Variants in TTC3 observed in about 807,000 individuals in gnomAD.
The protein encoded by TTC3 is E3 ubiquitin-protein ligase TTC3.
In TTC3, 180 loss-of-function variants were observed where a neutral mutation model predicts 249.6. That is an observed-to-expected ratio of 0.72 (90% confidence interval 0.64 to 0.82). The LOEUF is 0.82. Ranked by LOEUF, TTC3 falls within the 40% of genes least tolerant of loss-of-function variation. The pLI is 0.00. For missense variants in TTC3, 2,061 were observed against 2,398.4 expected, an observed-to-expected ratio of 0.86 and a Z score of 2.94; for synonymous variants, 717 against 805.0, an observed-to-expected ratio of 0.89 and a Z score of 1.85.
chr21:37,092,693 A>G (rs1472072923), intron 7 of TTC3, among the ~76,000 whole-genome samples: 2 of 152,056 alleles, frequency 1.3e-5, no homozygotes, highest in Non-Finnish European at 2.9e-5. Flanking sequence ...GAATTTCTTT[A>G]TTTGGTGACT....
chr21:37,187,207 T>C, intron 38 of TTC3, 62 bp downstream of exon 38: 1 of 1,257,714 alleles, frequency 8.0e-7, no homozygotes, highest in Non-Finnish European at 1.1e-6. Flanking sequence ...GTTTCTTTAA[T>C]GACATATGAG....
rs756826923 is a variant in TTC3, at chr21:37,094,059, T to G, written c.656T>G (p.Leu219Arg). 2.5e-6 allele frequency: 4 copies of G among 1,607,828 alleles called. No individual in the cohort carries two copies. In the African/African-American group the frequency reaches 5.4e-5, roughly 22 times the overall value. ...GAAGACTGCAATTTGCTTGAAGAAC[T>G]TAAAACTCAAAGTTGTATGGATTGT... Residue 219 changes from leucine to arginine, a missense_variant, in exon 8 of 46, where the codon CTT (leucine) becomes CGT (arginine). Physicochemically the swap from Leu to Arg is moderately radical, Grantham distance 102. This residue lies in a region of TTC3 where 989 missense variants were observed against 1,145.1 expected (regional missense o/e 0.86). Coordinates refer to ENST00000355666, the Ensembl canonical transcript of TTC3.
chr21:37,197,667 C>G, exon 43 of TTC3: 1 of 1,610,600 alleles, frequency 6.2e-7, no homozygotes, highest in Non-Finnish European at 8.5e-7. Flanking sequence ...AGTGACAGAA[C>G]ACATTCTAGA....
intron 40 of TTC3, among the ~76,000 whole-genome samples, 189 bp downstream of exon 40, chr21:37,191,613 T>G (rs1234260070): frequency 6.6e-6 from 1 of 151,948 alleles, no homozygotes; most frequent in African/African-American, 2.4e-5. Context: ...AGTTTCGCTC[T>G]TGTTGCCCAG....
At chr21:37,099,550 C>T (rs557564166) in intron 10 of TTC3, among the ~76,000 whole-genome samples, 123 of 152,264 alleles carry the variant, frequency 8.1e-4, no homozygotes, top group Admixed American at 1.4e-3. Context: ...AGTCAATAAA[C>T]GTTTATGAGG....
At chr21:37,191,618 G>T (rs148383630) in intron 40 of TTC3, among the ~76,000 whole-genome samples, 194 bp downstream of exon 40, 1 of 152,130 alleles carries the variant, frequency 6.6e-6, no homozygotes, top group East Asian at 1.9e-4. Flanking sequence ...CGCTCTTGTT[G>T]CCCAGGCTGG....
At chr21:37,172,261 T>G (rs1382751752) in intron 34 of TTC3, among the ~76,000 whole-genome samples, 1 of 152,234 alleles carries the variant, frequency 6.6e-6, no homozygotes, top group Admixed American at 6.5e-5. Context: ...TTAAACCTAA[T>G]AAATAATCGT....
intron 41 of TTC3, among the ~76,000 whole-genome samples, chr21:37,192,948 T>C (rs1450632508): frequency 2.6e-5 from 4 of 152,226 alleles, no homozygotes; most frequent in African/African-American, 9.6e-5. Context: ...TGAAATGAAT[T>C]AGGCCCAGAG....
At chr21:37,088,541 A>G (rs887511343) in intron 4 of TTC3, among the ~76,000 whole-genome samples, 195 bp downstream of exon 4, 3 of 152,228 alleles carry the variant, frequency 2.0e-5, no homozygotes, top group African/African-American at 7.2e-5. Context: ...TGAAATTCTG[A>G]ATAGTACTAG....
intron 38 of TTC3, 35 bp from the exon 39 acceptor site, chr21:37,188,460 G>A: frequency 1.3e-6 from 2 of 1,540,382 alleles, no homozygotes; most frequent in African/African-American, 1.4e-5. Context: ...GCTGTCATTT[G>A]TAAAATACTC....
At chr21:37,183,030 ACT>A (rs766145228) in intron 36 of TTC3, 117 bp downstream of exon 36, 120 of 926,446 alleles carry the variant, frequency 1.3e-4, no homozygotes, top group Non-Finnish European at 1.6e-4. Context: ...AAAAATGAAT[ACT>A]GTTTTCATTG....
chr21:37,117,730 C>T (rs2076256220), intron 11 of TTC3, among the ~76,000 whole-genome samples: 1 of 149,596 alleles, frequency 6.7e-6, no homozygotes, highest in South Asian at 2.1e-4. Context: ...ATTAGTTGGG[C>T]ATGGTGGCAT....
chr21:37,102,975 C>T (rs1488207279), intron 10 of TTC3, among the ~76,000 whole-genome samples: 1 of 152,002 alleles, frequency 6.6e-6, no homozygotes, highest in Non-Finnish European at 1.5e-5. Context: ...CCAGCCTGGG[C>T]GATAGAGTGA....
At chr21:37,116,825 A>G (rs555128425) in intron 11 of TTC3, among the ~76,000 whole-genome samples, 1 of 152,122 alleles carries the variant, frequency 6.6e-6, no homozygotes, top group African/African-American at 2.4e-5. Context: ...AAAAATAAAA[A>G]TAAATAAATT....
intron 34 of TTC3, among the ~76,000 whole-genome samples, chr21:37,172,305 A>G (rs2081872963): frequency 1.3e-5 from 2 of 152,238 alleles, no homozygotes; most frequent in African/African-American, 4.8e-5. Flanking sequence ...ATTTAAATCA[A>G]ACTGTTGATC....
At chr21:37,181,695 T>C (rs1330912689) in intron 35 of TTC3, among the ~76,000 whole-genome samples, 1 of 152,222 alleles carries the variant, frequency 6.6e-6, no homozygotes, top group Non-Finnish European at 1.5e-5. Context: ...CCTTGACTGG[T>C]TAGCAAATCT....
exon 46 of TTC3, chr21:37,202,435 AGCCGT>A (rs2085582546): frequency 6.6e-6 from 1 of 152,276 alleles, no homozygotes. Context: ...ATCCGCATCC[AGCCGT>A]GCTGAGCACA....
At chr21:37,088,155 TG>T (rs993172790) in intron 3 of TTC3, 40 bp from the exon 4 acceptor site, 3 of 1,474,520 alleles carry the variant, frequency 2.0e-6, no homozygotes, top group Non-Finnish European at 2.7e-6. Flanking sequence ...ATTAAAAAAA[TG>T]AGGCACAAAC....
At chr21:37,078,548 A>T (rs1176186802) in intron 1 of TTC3, among the ~76,000 whole-genome samples, 4 of 152,002 alleles carry the variant, frequency 2.6e-5, no homozygotes, top group African/African-American at 9.7e-5. Context: ...TGCTATTATA[A>T]ATGGTGGTGT....
Sources: gnomAD v4.1 joint callset for allele counts (sites outside exome capture counted in the v4.1 genomes callset) on GRCh38, gnomAD v4.1.1 for gene constraint, gnomAD v4.1.1 regional missense constraint, MANE v1.5 for transcripts, NCBI Gene and HGNC (gene_info 2026-07-23, HGNC 2026-07-21) for gene names.